Variants in SLC31A1 observed in about 807,000 individuals in gnomAD.
SLC31A1 encodes the protein high affinity copper uptake protein 1.
In SLC31A1, 5 loss-of-function variants were observed where a neutral mutation model predicts 17.2. That is an observed-to-expected ratio of 0.29 (90% CI 0.15 to 0.61). SLC31A1 has a LOEUF of 0.61. Among genes scored for constraint, SLC31A1 ranks in the 20% least tolerant of loss-of-function variants. The pLI is 0.86. For missense variants in SLC31A1, 161 were observed against 241.4 expected, an observed-to-expected ratio of 0.67 and a Z score of 2.21; for synonymous variants, 76 against 78.8, an observed-to-expected ratio of 0.96 and a Z score of 0.19.
chr9:113,242,508 C>G (rs1295896975), intron 1 of SLC31A1, among the ~76,000 whole-genome samples: 1 of 152,124 alleles, frequency 6.6e-6, no homozygotes, highest in Non-Finnish European at 1.5e-5. Flanking sequence ...TTAAAGCAAT[C>G]CTCCCACTTC....
chr9:113,224,361 A>G (rs1362163644), intron 1 of SLC31A1, among the ~76,000 whole-genome samples: 3 of 152,076 alleles, frequency 2.0e-5, no homozygotes, highest in Non-Finnish European at 2.9e-5. Context: ...TGTTTATGAA[A>G]TGTCCTTCCA....
chr9:113,222,787 GCT>G (rs1587984570), intron 1 of SLC31A1, among the ~76,000 whole-genome samples: 1 of 152,206 alleles, frequency 6.6e-6, no homozygotes, highest in African/African-American at 2.4e-5. Flanking sequence ...TGTTGCAGTA[GCT>G]CTGTTTAGTG....
intron 1 of SLC31A1, among the ~76,000 whole-genome samples, chr9:113,255,534 G>A (rs563710084): frequency 7.9e-5 from 12 of 152,020 alleles, no homozygotes; most frequent in South Asian, 6.2e-4. Context: ...TGGGCAACAC[G>A]AGACCTCATC....
intron 3 of SLC31A1, among the ~76,000 whole-genome samples, chr9:113,257,536 G>A (rs1831742788): frequency 7.1e-6 from 1 of 141,636 alleles, no homozygotes. Flanking sequence ...CCAGGCTGGA[G>A]TGCAATGGCA....
rs1034649018 is a variant in SLC31A1, at chr9:113,249,882, C to G, written c.-35-6232C>G. Among the ~76,000 whole-genome samples, 16 of 151,636 alleles carry G rather than the reference C, an allele frequency of 1.1e-4. No homozygotes were observed. The South Asian group carries it at 3.3e-3, about 32-fold the overall frequency. ...AGTGGGCAAAGGACATGAACAGACA[C>G]TTCTCAAAAGAAGACATTTATGCAG... On this transcript the variant is annotated intron_variant, in intron 1 of 4. Coordinates refer to ENST00000374212, the MANE Select transcript of SLC31A1 (RefSeq NM_001859.4).
chr9:113,260,287 C>A lies in SLC31A1; in HGVS notation c.387C>A (p.Ser129Arg). The A allele has an allele frequency of 6.2e-7, 1 of 1,614,056 alleles. No homozygotes were observed. The highest frequency in any genetic ancestry group is 1.1e-5 in the South Asian group (1 of 91,070). Residue 129 changes from serine (S) to arginine (R), a missense_variant, in exon 5 of 5, where the codon AGC becomes AGA. Coordinates refer to ENST00000374212, the MANE Select transcript of SLC31A1 (RefSeq NM_001859.4). Reference protein sequence around the residue: ...THKTVGQQMLSFPHLLQTVLH... With the variant: ...THKTVGQQMLRFPHLLQTVLH... ...TACTCTCCAGGCAACAGATGCTGAG[C>A]TTTCCTCACCTCCTGCAAACAGTGC...
chr9:113,235,723 A>C (rs147748231), intron 1 of SLC31A1, among the ~76,000 whole-genome samples: 1 of 152,198 alleles, frequency 6.6e-6, no homozygotes, highest in Non-Finnish European at 1.5e-5. Flanking sequence ...CTGGGTAACA[A>C]TTAAATAAAA....
rs1279734230 is a variant in SLC31A1, at chr9:113,262,015, T to G, written c.*1542T>G. ...GCCAAAGTATTTTTACTAGCCTGTA[T>G]GAAATCACTAGTCCTTATTTTTAAA... On this transcript the variant is annotated 3_prime_UTR_variant, in exon 5 of 5. Transcript: ENST00000374212. 1 of 152,686 alleles carries G rather than the reference T, an allele frequency of 6.5e-6. No individual in the cohort carries two copies. Among genetic ancestry groups the G allele is most frequent in the East Asian group, 1.9e-4 (1 of 5,206 alleles). The allele number at this position is 152,686 out of a possible 1,614,324, so 9.5% of individuals were successfully genotyped here.
chr9:113,247,013 C>A (rs1278529171), intron 1 of SLC31A1, among the ~76,000 whole-genome samples: 1 of 152,146 alleles, frequency 6.6e-6, no homozygotes, highest in Non-Finnish European at 1.5e-5. Flanking sequence ...ATCTACTAAC[C>A]CCATACAGGT....
At chr9:113,237,348 G>A (rs1831470938) in intron 1 of SLC31A1, among the ~76,000 whole-genome samples, 1 of 152,166 alleles carries the variant, frequency 6.6e-6, no homozygotes, top group Non-Finnish European at 1.5e-5. Context: ...ACTTGTCAGA[G>A]CACTAGGATA....
In SLC31A1 at chr9:113,260,340, A is replaced by T. The variant is rs1291459755; in HGVS notation, c.440A>T (p.Tyr147Phe). The change falls in exon 5 of 5, where the codon TAC becomes TTC. Residue 147 changes from tyrosine to phenylalanine, a missense_variant. Tyr to Phe is a conservative substitution (Grantham distance 22). Coordinates refer to ENST00000374212, the MANE Select transcript of SLC31A1 (RefSeq NM_001859.4). Reference sequence around the variant, plus strand: ...CACATCATCCAGGTGGTCATAAGCTACTTCCTCATGCTCATCTTCATGACC... The same window carrying T: ...CACATCATCCAGGTGGTCATAAGCTTCTTCCTCATGCTCATCTTCATGACC... ...VLHIIQVVIS[Y>F]FLMLIFMTYN... 6.2e-7 allele frequency: 1 copy of T among 1,614,170 alleles called. No homozygotes were observed. Among genetic ancestry groups the T allele is most frequent in the Admixed American group, 1.7e-5 (1 of 60,006 alleles).
intron 1 of SLC31A1, among the ~76,000 whole-genome samples, chr9:113,226,307 A>T (rs1831342138): frequency 6.6e-6 from 1 of 152,096 alleles, no homozygotes; most frequent in Admixed American, 6.6e-5. Flanking sequence ...GGGGTTCCTG[A>T]TGCCTGTACT....
chr9:113,228,506 C>A (rs897135540), intron 1 of SLC31A1, among the ~76,000 whole-genome samples: 2 of 152,182 alleles, frequency 1.3e-5, no homozygotes, highest in Non-Finnish European at 2.9e-5. Flanking sequence ...CTATTAGAAC[C>A]AGGCAAATAA....
rs1397742093 is a variant in SLC31A1, at chr9:113,262,174, T to C, written c.*1701T>C. Reference sequence around the variant, plus strand: ...AAAGACTCAGGCTGTGGTTTGTTGATGGCCAGGTTTTCCTCAGGCTCCAAC... The same window carrying C: ...AAAGACTCAGGCTGTGGTTTGTTGACGGCCAGGTTTTCCTCAGGCTCCAAC... On this transcript the variant is annotated 3_prime_UTR_variant, in exon 5 of 5. Coordinates refer to ENST00000374212, the MANE Select transcript of SLC31A1 (RefSeq NM_001859.4). 1 of 152,620 alleles carries C rather than the reference T, an allele frequency of 6.6e-6. No homozygotes were observed. The highest frequency in any genetic ancestry group is 1.5e-5 in the Non-Finnish European group (1 of 68,048). The allele number at this position is 152,620 out of a possible 1,614,324, so 9.5% of individuals were successfully genotyped here.
rs1299436531 is a variant in SLC31A1 at position 113,262,322 on chromosome 9, T to C, written c.*1849T>C. ...TCAGTGAAGAACCACATTGGATTTGTATTCTGTTCAGTTGTAGTCTACACT... is the reference window on the plus strand; with the variant it reads ...TCAGTGAAGAACCACATTGGATTTGCATTCTGTTCAGTTGTAGTCTACACT... On this transcript the variant is annotated 3_prime_UTR_variant, in exon 5 of 5. Transcript: ENST00000374212. The C allele has an allele frequency of 6.5e-6, 1 of 152,700 alleles. No individual in the cohort carries two copies. The highest frequency in any genetic ancestry group is 1.5e-5 in the Non-Finnish European group (1 of 68,062). The allele number at this position is 152,700 out of a possible 1,614,324, so 9.5% of individuals were successfully genotyped here. A position where few individuals can be genotyped will look rare whatever the true frequency, so the allele number is the denominator to read the frequency against.
chr9:113,253,229 A>G (rs1831680487), intron 1 of SLC31A1, among the ~76,000 whole-genome samples: 1 of 152,096 alleles, frequency 6.6e-6, no homozygotes, highest in Admixed American at 6.6e-5. Flanking sequence ...TGCTCGGATT[A>G]CAAGCGTGAG....
intron 1 of SLC31A1, among the ~76,000 whole-genome samples, chr9:113,247,582 C>T (rs1831596262): frequency 1.3e-5 from 2 of 152,234 alleles, no homozygotes; most frequent in African/African-American, 4.8e-5. Context: ...TTTTGTTAAA[C>T]ATATTAGATT....
chr9:113,230,401 G>GCA (rs1831388975), intron 1 of SLC31A1, among the ~76,000 whole-genome samples: 1 of 152,106 alleles, frequency 6.6e-6, no homozygotes, highest in African/African-American at 2.4e-5. Context: ...GAGACTACAG[G>GCA]CATGCATCTC....
chr9:113,252,946 CTTTTTTTCTTTTTT>C (rs375796349), intron 1 of SLC31A1, among the ~76,000 whole-genome samples: 4,420 of 113,794 alleles, frequency 0.039, 107 homozygotes, highest in African/African-American at 0.052. Context: ...CTTTTCTTTT[CTTTTTTTCTTTTTT>C]TTTTTTTTTT....
Sources: allele counts gnomAD v4.1 joint callset (sites outside exome capture counted in the v4.1 genomes callset), GRCh38; gene constraint gnomAD v4.1.1; transcripts MANE v1.5; gene names NCBI Gene and HGNC (gene_info 2026-07-23, HGNC 2026-07-21).